The following RAD51B variants were observed in gnomAD, a reference collection of about 807,000 sequenced individuals.
The protein encoded by RAD51B is DNA repair protein RAD51 homolog 2.
RAD51B carries 38 observed loss-of-function variants against 42.2 expected under a neutral mutation model. The ratio of observed to expected loss-of-function variants is 0.90; its 90% confidence interval spans 0.70 to 1.18. The LOEUF is 1.18. Among genes scored for constraint, RAD51B ranks in the 50% most tolerant of loss-of-function variants. RAD51B has a pLI of 0.00. For missense variants in RAD51B, 373 were observed against 400.7 expected, an observed-to-expected ratio of 0.93 and a Z score of 0.59; for synonymous variants, 154 against 145.2, an observed-to-expected ratio of 1.06 and a Z score of -0.43.
chr14:68,430,115 T>G (rs1183151872), intron 9 of RAD51B, among the ~76,000 whole-genome samples: 1 of 152,188 alleles, frequency 6.6e-6, no homozygotes, highest in Non-Finnish European at 1.5e-5. Flanking sequence ...ATATCTCTGT[T>G]TTGGTACCAG....
chr14:68,677,728 C>T lies in RAD51B; in HGVS notation c.*11+26872C>T, dbSNP rs1018847147. Among the ~76,000 whole-genome samples the T allele has an allele frequency of 3.9e-5, 6 of 152,260 alleles. No individual in the cohort carries two copies. The South Asian group carries it at 6.2e-4, about 16-fold the overall frequency. On this transcript the variant is annotated intron_variant, in intron 11 of 11. Coordinates refer to the RAD51B transcript ENST00000488612. ...CACCATCCGTGTAGTAAGGCATTGG[C>T]GTCATTCCAGTGGCTTCTGGATCTA...
chr14:68,628,832 G>A (rs187653801), intron 10 of RAD51B, among the ~76,000 whole-genome samples: 1 of 152,246 alleles, frequency 6.6e-6, no homozygotes, highest in East Asian at 1.9e-4. Flanking sequence ...GGTTTCGGCT[G>A]AGCCCCCAGC....
intron 8 of RAD51B, among the ~76,000 whole-genome samples, chr14:68,334,907 A>T (rs1383270149): frequency 2.8e-5 from 2 of 71,548 alleles, no homozygotes; most frequent in Non-Finnish European, 6.9e-5. Flanking sequence ...TATAGGATAG[A>T]TATATTTTAT....
chr14:68,348,214 T>G (rs992655229), intron 8 of RAD51B, among the ~76,000 whole-genome samples: 1 of 152,232 alleles, frequency 6.6e-6, no homozygotes, highest in African/African-American at 2.4e-5. Flanking sequence ...AGACTAAGTT[T>G]TTTAAAATCA....
chr14:68,007,863 A>C (rs2075616958), intron 7 of RAD51B, among the ~76,000 whole-genome samples: 1 of 152,060 alleles, frequency 6.6e-6, no homozygotes, highest in Admixed American at 6.6e-5. Context: ...ATAATACAAA[A>C]AGGAATTCAC....
chr14:68,595,711 G>A, exon 11 of RAD51B: 1 of 781,924 alleles, frequency 1.3e-6, no homozygotes, highest in African/African-American at 1.8e-5. Flanking sequence ...CTATACGATG[G>A]AATACTAGAT....
intron 9 of RAD51B, among the ~76,000 whole-genome samples, chr14:68,422,365 A>T (rs2084725762): frequency 6.6e-6 from 1 of 152,102 alleles, no homozygotes; most frequent in African/African-American, 2.4e-5. Flanking sequence ...GTTTGAGCCC[A>T]GCCTGGCCAA....
intron 7 of RAD51B, among the ~76,000 whole-genome samples, chr14:67,933,771 T>C (rs1012796140): frequency 3.3e-5 from 5 of 152,192 alleles, no homozygotes; most frequent in African/African-American, 1.2e-4. Context: ...TTTGGTTATA[T>C]ATTAGTAATT....
chr14:67,856,008 T>C (rs2041987592), intron 4 of RAD51B, among the ~76,000 whole-genome samples: 1 of 152,250 alleles, frequency 6.6e-6, no homozygotes, highest in Non-Finnish European at 1.5e-5. Flanking sequence ...AATTTAGAAA[T>C]AAACATTCTG....
intron 8 of RAD51B, among the ~76,000 whole-genome samples, chr14:68,354,078 C>T (rs2082844869): frequency 6.6e-6 from 1 of 152,158 alleles, no homozygotes. Context: ...AAAGAGATTA[C>T]TTGTAAAGTA....
At chr14:68,540,170 T>C (rs1887881461) in intron 10 of RAD51B, 1 of 656,988 alleles carries the variant, frequency 1.5e-6, no homozygotes, top group Non-Finnish European at 1.9e-6. Context: ...CTGCTCCTTT[T>C]TTTTTTTTTT....
chr14:68,047,139 A>G (rs556015631), intron 7 of RAD51B, among the ~76,000 whole-genome samples: 8 of 152,196 alleles, frequency 5.3e-5, no homozygotes, highest in South Asian at 2.1e-4. Context: ...TTGAGAGCCT[A>G]TATTTGTTTT....
At chr14:68,204,394 G>A (rs910865000) in intron 7 of RAD51B, among the ~76,000 whole-genome samples, 1 of 152,224 alleles carries the variant, frequency 6.6e-6, no homozygotes, top group Admixed American at 6.5e-5. Flanking sequence ...TATGAGTGTA[G>A]TTCATGGCAC....
intron 7 of RAD51B, among the ~76,000 whole-genome samples, chr14:67,893,495 C>CAAAAA: frequency 1.3e-5 from 1 of 77,630 alleles, no homozygotes; most frequent in Non-Finnish European, 2.6e-5. Context: ...CACACACACA[C>CAAAAA]ACACACACAC....
At chr14:68,673,655 CAT>C (rs1393194348) in intron 11 of RAD51B, among the ~76,000 whole-genome samples, 1 of 151,848 alleles carries the variant, frequency 6.6e-6, no homozygotes, top group East Asian at 1.9e-4. Flanking sequence ...CATGCACACA[CAT>C]ACACATACTG....
In RAD51B at chr14:68,316,693, C is replaced by T. The variant is rs370117793; in HGVS notation, c.853+24713C>T. Among the ~76,000 whole-genome samples, 54 of 152,166 alleles carry T rather than the reference C, an allele frequency of 3.5e-4. 1 individual carries two copies. The highest frequency in any genetic ancestry group is 1.7e-3 in the East Asian group (9 of 5,198). On this transcript the variant is annotated intron_variant, in intron 8 of 10. Coordinates refer to ENST00000471583, the MANE Select transcript of RAD51B (RefSeq NM_133510.4). ...ATTTGGTGACCTGCCTGAACACTCC[C>T]GCCAGAGTGGACGCACCTCTTGGCT...
At chr14:68,153,932 C>A (rs2140787531) in intron 7 of RAD51B, among the ~76,000 whole-genome samples, 1 of 152,274 alleles carries the variant, frequency 6.6e-6, no homozygotes, top group South Asian at 2.1e-4. Context: ...CCTGTTTAAG[C>A]ATTGTGGGGG....
intron 7 of RAD51B, among the ~76,000 whole-genome samples, chr14:68,239,852 C>A (rs762215963): frequency 6.6e-5 from 10 of 152,188 alleles, no homozygotes; most frequent in Non-Finnish European, 1.3e-4. Context: ...GAAAATCAGG[C>A]CAGTATAACT....
At chr14:68,481,281 CG>C (rs528725547), downstream of RAD51B, among the ~76,000 whole-genome samples, 175 of 120,066 alleles carry the variant, frequency 1.5e-3, no homozygotes, top group African/African-American at 6.0e-3. Context: ...TTGTCTGCCA[CG>C]AAAAAAAAAA....
Sources: gnomAD v4.1 joint callset for allele counts (sites outside exome capture counted in the v4.1 genomes callset) on GRCh38, gnomAD v4.1.1 for gene constraint, MANE v1.5 for transcripts, NCBI Gene and HGNC (gene_info 2026-07-23, HGNC 2026-07-21) for gene names.